PDE3A: variants seen among roughly 807,000 people sequenced by gnomAD.
PDE3A encodes cGMP-inhibited 3',5'-cyclic phosphodiesterase 3A.
A neutral mutation model predicts 98.3 loss-of-function variants in PDE3A; 43 were observed. The ratio of observed to expected loss-of-function variants is 0.44; its 90% CI spans 0.34 to 0.56. The LOEUF is 0.56. PDE3A is among the 20% of genes least tolerant of loss of function. The pLI, the probability that PDE3A is intolerant of heterozygous loss-of-function variation, is 0.01. For synonymous variants in PDE3A, 663 were observed against 567.9 expected (o/e 1.17, Z -2.38); for missense variants, 1,427 against 1,440.7 (o/e 0.99, Z 0.15).
chr12:20,581,794 A>G (rs1943074665), intron 2 of PDE3A, among the ~76,000 whole-genome samples: 1 of 151,476 alleles, frequency 6.6e-6, no homozygotes, highest in African/African-American at 2.4e-5. Context: ...TTGTATTTTT[A>G]GTAGAGACGG....
intron 1 of PDE3A, among the ~76,000 whole-genome samples, chr12:20,370,774 A>C (rs995819066): frequency 6.6e-6 from 1 of 152,208 alleles, no homozygotes; most frequent in African/African-American, 2.4e-5. Flanking sequence ...AAGGTGAGGA[A>C]TTGATACACA....
At chr12:20,379,277 A>G (rs1160068062) in intron 1 of PDE3A, among the ~76,000 whole-genome samples, 1 of 151,824 alleles carries the variant, frequency 6.6e-6, no homozygotes, top group African/African-American at 2.4e-5. Flanking sequence ...TTTTATTTTT[A>G]TCGTATTTTA....
chr12:20,493,160 A>G (rs984709459), intron 1 of PDE3A, among the ~76,000 whole-genome samples: 5 of 152,178 alleles, frequency 3.3e-5, no homozygotes, highest in Non-Finnish European at 7.3e-5. Context: ...AGATTAATTC[A>G]TTTATGAATT....
rs771506920 is a variant in PDE3A at position 20,369,437 on chromosome 12, G to T, written c.153G>T (p.Val51=). 14 of 1,555,172 alleles carry T rather than the reference G, an allele frequency of 9.0e-6. No individual in the cohort carries two copies. Among genetic ancestry groups the T allele is most frequent in the Non-Finnish European group, 1.2e-5 (14 of 1,150,502 alleles). ...SGCRGCWGDL[V]LQPLRSSRKL... is the part of the protein sequence containing the mutation. ...GCCGTGGCTGCTGGGGAGACCTGGT[G>T]CTGCAGCCGCTCCGGAGCTCTCGGA... The change falls in exon 1 of 16, where the codon GTG becomes GTT. Residue 51 remains valine, a synonymous_variant. Coordinates refer to ENST00000359062, the MANE Select transcript of PDE3A (RefSeq NM_000921.5).
At chr12:20,423,847 G>A (rs967733581) in intron 1 of PDE3A, among the ~76,000 whole-genome samples, 1 of 152,058 alleles carries the variant, frequency 6.6e-6, no homozygotes, top group South Asian at 2.1e-4. Flanking sequence ...CCCAAGGTAA[G>A]GCTACAGGTA....
rs763767978 is a variant in PDE3A at position 20,552,023 on chromosome 12, GC to G, written c.961-4636del. Reference sequence around the variant, plus strand: ...GCGTACTCCCTAGTCCTGGCGGGGGGCTACGAGGATGACGTGGACCATGGGA... The same window carrying G: ...GCGTACTCCCTAGTCCTGGCGGGGGGTACGAGGATGACGTGGACCATGGGA... On this transcript the variant is annotated intron_variant, in intron 1 of 15. Coordinates refer to ENST00000359062, the MANE Select transcript of PDE3A (RefSeq NM_000921.5). The surrounding 1 kb of genome is among the most constrained non-coding windows in gnomAD (Gnocchi z 5.1). 1 of 1,612,472 alleles carries G rather than the reference GC, an allele frequency of 6.2e-7. No individual in the cohort carries two copies.
chr12:20,626,726 G>GACCTCAAGTGATCTGCCCTCCTC (rs1230865656), intron 5 of PDE3A, among the ~76,000 whole-genome samples: 2 of 152,126 alleles, frequency 1.3e-5, no homozygotes, highest in Admixed American at 1.3e-4. Flanking sequence ...TCGAACTCCT[G>GACCTCAAGTGATCTGCCCTCCTC]ACCTCAAGTG....
rs145385572 is a variant in PDE3A at position 20,485,431 on chromosome 12, G to T, written c.961-71229G>T. Among the ~76,000 whole-genome samples, 9 of 151,798 alleles carry T rather than the reference G, an allele frequency of 5.9e-5. No individual in the cohort carries two copies. In the East Asian group the frequency reaches 1.7e-3, roughly 29 times the overall value. ...TTTATTCACACTGAGGATTAGAACT[G>T]CAAATATGTTTTTTTTTAGGGGGGA... On this transcript the variant is annotated intron_variant, in intron 1 of 15. Transcript: ENST00000359062.
intron 13 of PDE3A, 31 bp from the exon 14 acceptor site, chr12:20,650,414 A>G: frequency 6.6e-7 from 1 of 1,518,562 alleles, no homozygotes; most frequent in East Asian, 2.3e-5. Flanking sequence ...TTATCAAAGC[A>G]AAACATATAT....
chr12:20,683,322 TTAC>T lies in PDE3A; in HGVS notation c.*3055_*3057del, dbSNP rs1945847729. 1 of 152,174 alleles carries T rather than the reference TTAC, an allele frequency of 6.6e-6. No individual in the cohort carries two copies. Among genetic ancestry groups the T allele is most frequent in the African/African-American group, 2.4e-5 (1 of 41,438 alleles). The allele number at this position is 152,174 out of a possible 1,614,324, so 9.4% of individuals were successfully genotyped here. ...GTGGTGCCAATGTATTTGTTGCAAT[TTAC>T]TACATTTTTATATGAGCCTATTTAT... On this transcript the variant is annotated 3_prime_UTR_variant, in exon 16 of 16. Coordinates refer to ENST00000359062, the MANE Select transcript of PDE3A (RefSeq NM_000921.5).
chr12:20,590,325 C>G (rs1001669054), intron 2 of PDE3A, among the ~76,000 whole-genome samples: 3 of 149,088 alleles, frequency 2.0e-5, no homozygotes, highest in Non-Finnish European at 4.4e-5. Flanking sequence ...TTCCTCTGAC[C>G]CCTTTTCTTC....
At chr12:20,505,077 T>G (rs1477715788) in intron 1 of PDE3A, among the ~76,000 whole-genome samples, 1 of 152,134 alleles carries the variant, frequency 6.6e-6, no homozygotes, top group African/African-American at 2.4e-5. Flanking sequence ...CAAACCTGTC[T>G]GAGGTTTTAG....
intron 10 of PDE3A, among the ~76,000 whole-genome samples, chr12:20,645,866 G>A (rs558615422): frequency 6.6e-6 from 1 of 152,208 alleles, no homozygotes; most frequent in East Asian, 1.9e-4. Context: ...TATTATACAA[G>A]AGGCTTTTCT....
intron 1 of PDE3A, among the ~76,000 whole-genome samples, chr12:20,442,142 C>A (rs1304541253): frequency 6.6e-6 from 1 of 152,116 alleles, no homozygotes; most frequent in Non-Finnish European, 1.5e-5. Flanking sequence ...ATTTGTAGTT[C>A]TACACCAAAA....
At chr12:20,615,016 CTTTTTTTTTTTTTTTT>C (rs11313010) in intron 3 of PDE3A, among the ~76,000 whole-genome samples, 2 of 59,128 alleles carry the variant, frequency 3.4e-5, no homozygotes, top group Non-Finnish European at 6.2e-5. Context: ...TTCTCTCTTT[CTTTTTTTTTTTTTTTT>C]TTTTTTTGAG....
At chr12:20,443,090 T>TA (rs5796859) in intron 1 of PDE3A, among the ~76,000 whole-genome samples, 102,846 of 151,644 alleles carry the variant, frequency 0.68, 37,394 homozygotes, top group Non-Finnish European at 0.82. Context: ...TATATAAATG[T>TA]TATATAAATA....
chr12:20,456,080 C>T (rs1945146641), intron 1 of PDE3A, among the ~76,000 whole-genome samples: 1 of 151,998 alleles, frequency 6.6e-6, no homozygotes, highest in African/African-American at 2.4e-5. Flanking sequence ...TATTTATATC[C>T]AGGACGTCGC....
At chr12:20,677,759 G>A (rs929189821) in intron 15 of PDE3A, among the ~76,000 whole-genome samples, 1 of 152,082 alleles carries the variant, frequency 6.6e-6, no homozygotes, top group Non-Finnish European at 1.5e-5. Flanking sequence ...ATTATCTTTT[G>A]TCAGGGAAAC....
At chr12:20,408,418 A>G (rs1418394011) in intron 1 of PDE3A, among the ~76,000 whole-genome samples, 1 of 152,098 alleles carries the variant, frequency 6.6e-6, no homozygotes, top group Non-Finnish European at 1.5e-5. Context: ...GTAATATTGT[A>G]TACTCTAGTT....
Sources: gnomAD v4.1 joint callset for allele counts (sites outside exome capture counted in the v4.1 genomes callset) on GRCh38, gnomAD v4.1.1 for gene constraint, Gnocchi (gnomAD v3.1) non-coding constraint, MANE v1.5 for transcripts, NCBI Gene and HGNC (gene_info 2026-07-23, HGNC 2026-07-21) for gene names.